The following CXorf58 variants were observed in gnomAD, a reference collection of about 807,000 sequenced individuals.
CXorf58 encodes chromosome X open reading frame 58, also known as uncharacterized protein CXorf58.
A neutral mutation model predicts 26.0 loss-of-function variants in CXorf58; 24 were observed. The ratio of observed to expected loss-of-function variants is 0.92; its 90% CI spans 0.67 to 1.30. The LOEUF is 1.30. Ranked by LOEUF, CXorf58 falls within the 50% of genes most tolerant of loss-of-function variation. The pLI is 0.00. For missense variants in CXorf58, 236 were observed against 263.9 expected (o/e 0.89, Z 0.73); for synonymous variants, 87 against 86.1 (o/e 1.01, Z -0.06).
chrX:23,932,541 G>A (rs1388574679), intron 6 of CXorf58, among the ~76,000 whole-genome samples: 1 of 112,105 alleles, frequency 8.9e-6, no homozygotes, highest in East Asian at 2.8e-4. Context: ...ATCATTGGGA[G>A]ACAAAAATGC....
chrX:23,921,545 T>G (rs1466221747), intron 5 of CXorf58, among the ~76,000 whole-genome samples: 1 of 112,164 alleles, frequency 8.9e-6, no homozygotes, highest in Admixed American at 9.5e-5. Flanking sequence ...TAGTTCAGCT[T>G]CAAACTCTGG....
intron 5 of CXorf58, among the ~76,000 whole-genome samples, chrX:23,920,010 A>G (rs1456337099): frequency 8.9e-6 from 1 of 112,545 alleles, no homozygotes; most frequent in African/African-American, 3.2e-5. Context: ...AATAAATGGA[A>G]TCTCTCTCTT....
chrX:23,938,845 T>G (rs946049439), intron 8 of CXorf58, 145 bp downstream of exon 8: 1 of 425,479 alleles, frequency 2.4e-6, no homozygotes, highest in African/African-American at 2.5e-5. Flanking sequence ...TAGTATAAAG[T>G]GAATTTCATC....
chrX:23,909,702 A>AGCTGCATCCAAATTGGAGCG lies in CXorf58; in HGVS notation c.-20-581_-20-580insGCTGCATCCAAATTGGAGCG. 1.8e-5 allele frequency among the ~76,000 whole-genome samples: 2 copies of AGCTGCATCCAAATTGGAGCG among 110,703 alleles called. 1 individual carries two copies. The highest frequency in any genetic ancestry group is 5.7e-4 in the East Asian group (2 of 3,489). ...TTGGGAGCTGCATCCAAATTGGAGC[A>AGCTGCATCCAAATTGGAGCG]TTACTGCATCCAAACTCGTTGCTTT... On this transcript the variant is annotated intron_variant, in intron 1 of 8. Transcript: ENST00000379211.
At chrX:23,933,354 T>C (rs982328190) in intron 6 of CXorf58, among the ~76,000 whole-genome samples, 2 of 111,262 alleles carry the variant, frequency 1.8e-5, no homozygotes, top group South Asian at 3.7e-4. Context: ...TCCTGCCCTA[T>C]CCCTGGCTCT....
Position 23,919,115 on chromosome X carries a change from G to C in CXorf58, c.423+2787G>C, listed in dbSNP as rs548255037. On this transcript the variant is annotated intron_variant, in intron 5 of 8. Coordinates refer to ENST00000379211, the MANE Select transcript of CXorf58 (RefSeq NM_152761.3). ...TACTTGGATATTGATATCTTTCTCT[G>C]AATTTGGGAAGTTCTCTGCTGTTAT... Among the ~76,000 whole-genome samples, 5 of 111,620 alleles carry C rather than the reference G, an allele frequency of 4.5e-5. No individual in the cohort carries two copies. The Middle Eastern group carries it at 0.023, about 514-fold the overall frequency.
At chrX:23,937,611 G>T (rs2147080746) in intron 7 of CXorf58, among the ~76,000 whole-genome samples, 1 of 109,370 alleles carries the variant, frequency 9.1e-6, no homozygotes, top group East Asian at 2.9e-4. Context: ...TTTTAATAGA[G>T]ACAGGGTTTC....
At chrX:23,921,035 T>C (rs1420038800) in intron 5 of CXorf58, among the ~76,000 whole-genome samples, 1 of 111,476 alleles carries the variant, frequency 9.0e-6, no homozygotes, top group Admixed American at 9.6e-5. Flanking sequence ...TTATGCCACA[T>C]TTATGTATAG....
rs766281509 is a variant in CXorf58 at position 23,912,731 on chromosome X, GACT to G, written c.216+876_216+878del. On this transcript the variant is annotated intron_variant, in intron 3 of 8. Transcript: ENST00000379211. ...TACATTCCAGCCTGGGCGACAGTGA[GACT>G]CTGTCCCCCTTCAAAAAGCTCTGAA... 4.2e-3 allele frequency among the ~76,000 whole-genome samples: 470 copies of G among 111,123 alleles called. 4 individuals are homozygous for G. Among genetic ancestry groups the G allele is most frequent in the African/African-American group, 0.015 (450 of 30,669 alleles).
intron 5 of CXorf58, among the ~76,000 whole-genome samples, chrX:23,925,455 C>T (rs1445048841): frequency 9.3e-6 from 1 of 107,468 alleles, no homozygotes; most frequent in East Asian, 3.0e-4. Flanking sequence ...TCAAGCATTT[C>T]TCCTGCCTCA....
At chrX:23,931,814 A>G (rs922165072) in intron 6 of CXorf58, among the ~76,000 whole-genome samples, 6 of 112,188 alleles carry the variant, frequency 5.3e-5, no homozygotes, top group Admixed American at 4.8e-4. Flanking sequence ...AAACAAAACA[A>G]AACAAGCTTC....
intron 6 of CXorf58, among the ~76,000 whole-genome samples, chrX:23,932,407 T>A (rs1490727175): frequency 8.9e-6 from 1 of 112,384 alleles, no homozygotes; most frequent in Non-Finnish European, 1.9e-5. Context: ...CACAGTCACC[T>A]GTTTCTTCTA....
chrX:23,915,822 A>G, intron 4 of CXorf58, 28 bp downstream of exon 4: 1 of 850,183 alleles, frequency 1.2e-6, no homozygotes, highest in African/African-American at 2.0e-5. Flanking sequence ...ATTTATTTCA[A>G]GAAGTACTTA....
At chrX:23,936,363 A>G (rs2147080091) in intron 7 of CXorf58, among the ~76,000 whole-genome samples, 1 of 112,178 alleles carries the variant, frequency 8.9e-6, no homozygotes, top group African/African-American at 3.2e-5. Context: ...CTTGCCTGAG[A>G]TAAATTGCAT....
At chrX:23,918,828 T>C (rs910012277) in intron 5 of CXorf58, among the ~76,000 whole-genome samples, 4 of 112,444 alleles carry the variant, frequency 3.6e-5, no homozygotes, top group Non-Finnish European at 3.8e-5. Context: ...TGAAGGATAT[T>C]TCCACTGCAT....
At chrX:23,932,717 G>A (rs759105293) in intron 6 of CXorf58, among the ~76,000 whole-genome samples, 10 of 111,851 alleles carry the variant, frequency 8.9e-5, no homozygotes, top group South Asian at 3.7e-4. Context: ...ACAGGAGGCC[G>A]GGCGTGGTGG....
chrX:23,930,442 A>T, intron 6 of CXorf58, among the ~76,000 whole-genome samples: 1 of 107,873 alleles, frequency 9.3e-6, no homozygotes. Flanking sequence ...AGCCTGGGCA[A>T]TATAGGGAGA....
At chrX:23,938,262 T>C (rs1928344831) in intron 7 of CXorf58, among the ~76,000 whole-genome samples, 1 of 111,717 alleles carries the variant, frequency 9.0e-6, no homozygotes. Flanking sequence ...CAGTATTTTC[T>C]AGGAAAGCTA....
chrX:23,932,190 A>G (rs1053031399), intron 6 of CXorf58, among the ~76,000 whole-genome samples: 3 of 112,632 alleles, frequency 2.7e-5, no homozygotes, highest in African/African-American at 9.7e-5. Flanking sequence ...TCAGCTGCCA[A>G]CATTTTATTC....
Sources: allele counts gnomAD v4.1 joint callset (sites outside exome capture counted in the v4.1 genomes callset), GRCh38; gene constraint gnomAD v4.1.1; transcripts MANE v1.5; gene names NCBI Gene and HGNC (gene_info 2026-07-23, HGNC 2026-07-21).